Variants in KCNQ1 observed in about 807,000 individuals in gnomAD.
KCNQ1 encodes potassium voltage-gated channel subfamily KQT member 1.
In KCNQ1, 49 loss-of-function variants were observed where a neutral mutation model predicts 72.4. That is an observed-to-expected ratio of 0.68 (90% CI 0.54 to 0.86). KCNQ1 has a LOEUF of 0.86. Ranked by LOEUF, KCNQ1 falls within the 40% of genes least tolerant of loss-of-function variation. The pLI, the probability that KCNQ1 is intolerant of heterozygous loss-of-function variation, is 0.00. For synonymous variants in KCNQ1, 450 were observed against 412.6 expected (o/e 1.09, Z -1.10); for missense variants, 790 against 945.1 (o/e 0.84, Z 2.15).
At chr11:2,610,023 T>C (rs1477825889) in intron 10 of KCNQ1, 1 of 397,886 alleles carries the variant, frequency 2.5e-6, no homozygotes, top group African/African-American at 2.1e-5. Context: ...TTATTATTGA[T>C]ATAATTAGAT....
intron 15 of KCNQ1, among the ~76,000 whole-genome samples, chr11:2,797,235 C>G (rs975434153): frequency 1.3e-5 from 2 of 152,268 alleles, no homozygotes; most frequent in Middle Eastern, 6.8e-3. Context: ...GGCCGGGCAG[C>G]GCTGGCCCCA....
At chr11:2,525,923 T>A (rs568876032) in intron 1 of KCNQ1, among the ~76,000 whole-genome samples, 2 of 152,160 alleles carry the variant, frequency 1.3e-5, no homozygotes, top group Admixed American at 6.5e-5. Context: ...GCTCATGGTC[T>A]AGGGGGTGGA....
At position 2,668,032 on chromosome 11, in the gene KCNQ1, C is replaced by G; in HGVS notation, c.1514+5951C>G. The G allele has an allele frequency of 2.5e-6, 1 of 398,634 alleles. No individual in the cohort carries two copies. Among genetic ancestry groups the G allele is most frequent in the Non-Finnish European group, 4.4e-6 (1 of 226,072 alleles). The allele number at this position is 398,634 out of a possible 1,614,324, so 24.7% of individuals were successfully genotyped here. ...AGGCCTAACTGCTAGCAGCAAGGAC[C>G]AGCTTTGCCCACATTTGAACTTTAT... On this transcript the variant is annotated intron_variant, in intron 11 of 15. Transcript: ENST00000155840. This position sits in a 1 kb window ranked among gnomAD's most constrained non-coding sequence, Gnocchi z 4.3.
rs1459167400 is a variant in KCNQ1, at chr11:2,620,628, G to A, written c.1393+31774G>A. 2.5e-6 allele frequency: 1 copy of A among 397,830 alleles called. No homozygotes were observed. The highest frequency in any genetic ancestry group is 4.4e-6 in the Non-Finnish European group (1 of 226,010). The allele number at this position is 397,830 out of a possible 1,614,324, so 24.6% of individuals were successfully genotyped here. ...AAGTGGATTCCATGTCTTTGCTGTT[G>A]TGAATAGTGCTGTGATGAACATACA... On this transcript the variant is annotated intron_variant, in intron 10 of 15. Coordinates refer to ENST00000155840, the MANE Select transcript of KCNQ1 (RefSeq NM_000218.3). This position sits in a 1 kb window ranked among gnomAD's most constrained non-coding sequence, Gnocchi z 4.5.
chr11:2,595,420 A>T lies in KCNQ1; in HGVS notation c.1393+6566A>T, dbSNP rs1043566925. 2.0e-5 allele frequency among the ~76,000 whole-genome samples: 3 copies of T among 152,166 alleles called. No individual in the cohort carries two copies. The highest frequency in any genetic ancestry group is 7.2e-5 in the African/African-American group (3 of 41,438). On this transcript the variant is annotated intron_variant, in intron 10 of 15. Coordinates refer to ENST00000155840, the MANE Select transcript of KCNQ1 (RefSeq NM_000218.3). This position sits in a 1 kb window ranked among gnomAD's most constrained non-coding sequence, Gnocchi z 5.0. Reference sequence around the variant, plus strand: ...ACTTTGCTGATAATGCATTTTTTACAAATTGAAGGTTTGTGGCAACCTTGC... The same window carrying T: ...ACTTTGCTGATAATGCATTTTTTACTAATTGAAGGTTTGTGGCAACCTTGC...
At chr11:2,842,668 CAT>C (rs1848237659) in intron 15 of KCNQ1, among the ~76,000 whole-genome samples, 1 of 152,174 alleles carries the variant, frequency 6.6e-6, no homozygotes, top group Non-Finnish European at 1.5e-5. Context: ...ACGAGGTACA[CAT>C]ATGTGGGCTC....
chr11:2,796,590 C>A (rs1184067270), intron 15 of KCNQ1, among the ~76,000 whole-genome samples: 1 of 152,222 alleles, frequency 6.6e-6, no homozygotes, highest in Non-Finnish European at 1.5e-5. Context: ...AAACGTGCCC[C>A]GAAGGGGCCT....
At position 2,493,248 on chromosome 11, in the gene KCNQ1, T is replaced by C. The variant is rs1317391934; in HGVS notation, c.387-34680T>C. On this transcript the variant is annotated intron_variant, in intron 1 of 15. Coordinates refer to ENST00000155840, the MANE Select transcript of KCNQ1 (RefSeq NM_000218.3). The surrounding 1 kb of genome is among the most constrained non-coding windows in gnomAD (Gnocchi z 5.3). ...TTAAGTTCCTTGTAGATTTTGGATA[T>C]TAGACCTTGTCAGATGGATAGATTG... Among the ~76,000 whole-genome samples the C allele has an allele frequency of 6.6e-6, 1 of 152,238 alleles. No homozygotes were observed. Among genetic ancestry groups the C allele is most frequent in the East Asian group, 1.9e-4 (1 of 5,200 alleles).
At chr11:2,636,870 A>T (rs1849476818) in intron 10 of KCNQ1, 1 of 152,082 alleles carries the variant, frequency 6.6e-6, no homozygotes, top group Non-Finnish European at 1.5e-5. Context: ...AGAGCCTGTT[A>T]TTGGTCTTTT....
In KCNQ1 at chr11:2,830,720, G is replaced by A. The variant is rs941417292; in HGVS notation, c.1795-17047G>A. Among the ~76,000 whole-genome samples, 4 of 152,012 alleles carry A rather than the reference G, an allele frequency of 2.6e-5. No individual in the cohort carries two copies. The highest frequency in any genetic ancestry group is 2.1e-4 in the South Asian group (1 of 4,820). On this transcript the variant is annotated intron_variant, in intron 15 of 15. Coordinates refer to ENST00000155840, the MANE Select transcript of KCNQ1 (RefSeq NM_000218.3). This position sits in a 1 kb window ranked among gnomAD's most constrained non-coding sequence, Gnocchi z 7.7. The stretch of plus-strand genomic sequence containing the variant: ...CCTTCCCAGGAACCCCCACATCTCC[G>A]TGGCCCTCAGACCTCTGACCTCCCA...
At chr11:2,511,932 G>A (rs1019393050) in intron 1 of KCNQ1, among the ~76,000 whole-genome samples, 28 of 152,234 alleles carry the variant, frequency 1.8e-4, no homozygotes, top group Admixed American at 1.1e-3. Flanking sequence ...GCACAGGTCA[G>A]AGCGGGCATG....
At position 2,647,043 on chromosome 11, in the gene KCNQ1, T is replaced by C. The variant is rs1849677188; in HGVS notation, c.1394-14918T>C. Reference sequence around the variant, plus strand: ...CTCTGCTGAATAAGAATAGTGAAAGTGGGCATCCTTGTCTTGTTCTAGTTC... The same window carrying C: ...CTCTGCTGAATAAGAATAGTGAAAGCGGGCATCCTTGTCTTGTTCTAGTTC... On this transcript the variant is annotated intron_variant, in intron 10 of 15. Coordinates refer to ENST00000155840, the MANE Select transcript of KCNQ1 (RefSeq NM_000218.3). The surrounding 1 kb of genome is among the most constrained non-coding windows in gnomAD (Gnocchi z 4.0). 2.5e-6 allele frequency: 1 copy of C among 398,618 alleles called. No homozygotes were observed. Among genetic ancestry groups the C allele is most frequent in the Non-Finnish European group, 4.4e-6 (1 of 226,050 alleles). 24.7% of individuals were successfully genotyped at this position (398,618 alleles called of 1,614,324 possible). A position where few individuals can be genotyped will look rare whatever the true frequency, so the allele number is the denominator to read the frequency against.
rs1847856258 is a variant in KCNQ1, at chr11:2,543,346, T to G, written c.477+15328T>G. The stretch of plus-strand genomic sequence containing the variant: ...TGGAGTGCAGTGGCGTAAACGTAGC[T>G]CACTGCAACCTCGAATTCCTGGGCT... On this transcript the variant is annotated intron_variant, in intron 2 of 15. Transcript: ENST00000155840. The surrounding 1 kb of genome is among the most constrained non-coding windows in gnomAD (Gnocchi z 5.6). Among the ~76,000 whole-genome samples, 1 of 152,138 alleles carries G rather than the reference T, an allele frequency of 6.6e-6. No individual in the cohort carries two copies. Among genetic ancestry groups the G allele is most frequent in the South Asian group, 2.1e-4 (1 of 4,820 alleles).
In KCNQ1 at chr11:2,676,539, TACAGGAAA is replaced by T. The variant is rs1850298202; in HGVS notation, c.1514+14459_1514+14466del. Reference sequence around the variant, plus strand: ...TTGGCAAAAGGCATAGAGGTAGTGGTACAGGAAAGGTCTAAGAAGGCTAAGGACCATCA... The same window carrying T: ...TTGGCAAAAGGCATAGAGGTAGTGGTGGTCTAAGAAGGCTAAGGACCATCA... On this transcript the variant is annotated intron_variant, in intron 11 of 15. Coordinates refer to ENST00000155840, the MANE Select transcript of KCNQ1 (RefSeq NM_000218.3). The surrounding 1 kb of genome is among the most constrained non-coding windows in gnomAD (Gnocchi z 4.2). The T allele has an allele frequency of 5.0e-6, 2 of 398,524 alleles. No individual in the cohort carries two copies. The allele number at this position is 398,524 out of a possible 1,614,324, so 24.7% of individuals were successfully genotyped here.
chr11:2,743,804 G>A (rs1846096261), intron 11 of KCNQ1, among the ~76,000 whole-genome samples: 1 of 152,268 alleles, frequency 6.6e-6, no homozygotes, highest in Non-Finnish European at 1.5e-5. Context: ...TCGGATGCCT[G>A]TTTAGTCAGC....
chr11:2,630,654 CG>C (rs1849337901), intron 10 of KCNQ1: 1 of 397,960 alleles, frequency 2.5e-6, no homozygotes, highest in Admixed American at 4.4e-5. Context: ...TTAAGTTGCC[CG>C]TATATTTATT....
At chr11:2,779,532 G>A (rs1032357474) in intron 15 of KCNQ1, among the ~76,000 whole-genome samples, 4 of 152,082 alleles carry the variant, frequency 2.6e-5, no homozygotes, top group Non-Finnish European at 2.9e-5. Flanking sequence ...GCCCTTTCTG[G>A]ACAGCACAGG....
rs1029708018 is a variant in KCNQ1 at position 2,464,739 on chromosome 11, G to A, written c.386+19255G>A. Reference sequence around the variant, plus strand: ...GGGATGCTGGTGGGAAGAACAGTCTGGGCGAGGAGGAAAGGGTGGCTCTGC... The same window carrying A: ...GGGATGCTGGTGGGAAGAACAGTCTAGGCGAGGAGGAAAGGGTGGCTCTGC... On this transcript the variant is annotated intron_variant, in intron 1 of 15. Coordinates refer to ENST00000155840, the MANE Select transcript of KCNQ1 (RefSeq NM_000218.3). The surrounding 1 kb of genome is among the most constrained non-coding windows in gnomAD (Gnocchi z 5.0). 6.6e-6 allele frequency among the ~76,000 whole-genome samples: 1 copy of A among 152,194 alleles called. No homozygotes were observed. Among genetic ancestry groups the A allele is most frequent in the African/African-American group, 2.4e-5 (1 of 41,432 alleles).
intron 11 of KCNQ1, among the ~76,000 whole-genome samples, chr11:2,708,054 C>A (rs1052793584): frequency 6.6e-6 from 1 of 152,254 alleles, no homozygotes; most frequent in African/African-American, 2.4e-5. Flanking sequence ...GGCTGTTCCC[C>A]TGTTTCCCAA....
Sources: gnomAD v4.1 joint callset for allele counts (sites outside exome capture counted in the v4.1 genomes callset) on GRCh38, gnomAD v4.1.1 for gene constraint, Gnocchi (gnomAD v3.1) non-coding constraint, MANE v1.5 for transcripts, NCBI Gene and HGNC (gene_info 2026-07-23, HGNC 2026-07-21) for gene names.